The following ZHX2 variants were observed in gnomAD, a reference collection of about 807,000 sequenced individuals.
The protein encoded by ZHX2 is zinc fingers and homeoboxes protein 2.
Under a neutral mutation model 21.9 loss-of-function variants are expected in ZHX2, and 6 were observed. The observed-to-expected ratio is 0.27, with a 90% confidence interval of 0.15 to 0.54. The LOEUF (loss-of-function observed/expected upper bound fraction) is 0.54. ZHX2 is among the 20% of genes least tolerant of loss of function. The probability of loss-of-function intolerance (pLI) is 0.95; values close to 1 mark genes in which losing one functional copy is unlikely to be tolerated. For missense variants in ZHX2, 908 were observed against 1,090.7 expected, an observed-to-expected ratio of 0.83 and a Z score of 2.36; for synonymous variants, 434 against 437.1, an observed-to-expected ratio of 0.99 and a Z score of 0.09.
intron 2 of ZHX2, among the ~76,000 whole-genome samples, chr8:122,885,646 A>G (rs1298197213): frequency 1.3e-5 from 2 of 152,166 alleles, no homozygotes; most frequent in Admixed American, 6.5e-5. Context: ...TTTTGTCACA[A>G]TTTGAGGCAG....
chr8:122,852,925 G>A (rs1294097248), intron 1 of ZHX2, among the ~76,000 whole-genome samples: 2 of 152,018 alleles, frequency 1.3e-5, no homozygotes, highest in Non-Finnish European at 2.9e-5. Flanking sequence ...AGCCCTTATG[G>A]TCACCTGGTG....
chr8:122,955,077 G>C (rs1189444908), intron 3 of ZHX2, among the ~76,000 whole-genome samples: 3 of 145,878 alleles, frequency 2.1e-5, no homozygotes, highest in African/African-American at 2.5e-5. Flanking sequence ...GCCGGGGGGG[G>C]GGGGGTGGCA....
intron 2 of ZHX2, among the ~76,000 whole-genome samples, chr8:122,919,861 C>T (rs1010940286): frequency 2.0e-5 from 3 of 152,144 alleles, no homozygotes; most frequent in African/African-American, 4.8e-5. Context: ...TCCAGGTTAC[C>T]GTAGAAATTG....
chr8:122,951,633 C>G lies in ZHX2; in HGVS notation c.123C>G (p.Asp41Glu). The G allele has an allele frequency of 1.2e-6, 2 of 1,613,952 alleles. No individual in the cohort carries two copies. The highest frequency in any genetic ancestry group is 1.7e-6 in the Non-Finnish European group (2 of 1,179,980). The change falls in exon 3 of 4, where the codon GAC becomes GAG. Residue 41 changes from aspartate to glutamate, a missense_variant. Asp to Glu is a conservative substitution (Grantham distance 45). Transcript: ENST00000314393. ...KEKGIGTPQP[D>E]VAKDSWAAEL... Reference sequence around the variant, plus strand: ...AAGGAATCGGCACACCACAGCCTGACGTGGCCAAGGACAGTTGGGCAGCAG... The same window carrying G: ...AAGGAATCGGCACACCACAGCCTGAGGTGGCCAAGGACAGTTGGGCAGCAG...
intron 2 of ZHX2, among the ~76,000 whole-genome samples, chr8:122,921,151 C>T (rs1369893658): frequency 1.3e-5 from 2 of 152,128 alleles, no homozygotes; most frequent in African/African-American, 2.4e-5. Context: ...GTGATCTCTG[C>T]TCACTCTGCA....
At position 122,835,972 on chromosome 8, in the gene ZHX2, T is replaced by G. The variant is rs185934522; in HGVS notation, c.-282-27505T>G. On this transcript the variant is annotated intron_variant, in intron 1 of 3. Transcript: ENST00000314393. ...TGCCTGAGGCCTAAGGTTTTTAGGG[T>G]TTTTTTTTATGAGGCAGCCTAGAGG... Among the ~76,000 whole-genome samples, 11 of 148,130 alleles carry G rather than the reference T, an allele frequency of 7.4e-5. No individual in the cohort carries two copies. The East Asian group carries it at 7.8e-4, about 10-fold the overall frequency.
rs116424592 is a variant in ZHX2 at position 122,849,313 on chromosome 8, G to T, written c.-282-14164G>T. Among the ~76,000 whole-genome samples the T allele has an allele frequency of 2.6e-3, 401 of 152,274 alleles. 1 individual carries two copies. Among genetic ancestry groups the T allele is most frequent in the African/African-American group, 9.3e-3 (386 of 41,570 alleles). On this transcript the variant is annotated intron_variant, in intron 1 of 3. Coordinates refer to ENST00000314393, the MANE Select transcript of ZHX2 (RefSeq NM_014943.5). ...ACATTCCCAGCTCTGCTACTCACTTGCTGTGTGGCTTTGGGCAAGTTGCTT... is the reference window on the plus strand; with the variant it reads ...ACATTCCCAGCTCTGCTACTCACTTTCTGTGTGGCTTTGGGCAAGTTGCTT...
At chr8:122,812,753 G>A (rs1438420988) in intron 1 of ZHX2, among the ~76,000 whole-genome samples, 5 of 152,224 alleles carry the variant, frequency 3.3e-5, no homozygotes, top group African/African-American at 4.8e-5. Context: ...GTAAATCCTG[G>A]AGGAGGGAAG....
chr8:122,872,572 C>T (rs1203386070), intron 2 of ZHX2, among the ~76,000 whole-genome samples: 1 of 152,172 alleles, frequency 6.6e-6, no homozygotes, highest in African/African-American at 2.4e-5. Flanking sequence ...GCCCTAAGTG[C>T]CCTGGCCTAA....
chr8:122,960,865 C>T (rs892145866), intron 3 of ZHX2, among the ~76,000 whole-genome samples: 1 of 152,160 alleles, frequency 6.6e-6, no homozygotes, highest in Non-Finnish European at 1.5e-5. Flanking sequence ...GTTTGATGCC[C>T]TCTGAGCTAC....
At chr8:122,960,739 G>A (rs1294463971) in intron 3 of ZHX2, among the ~76,000 whole-genome samples, 1 of 152,164 alleles carries the variant, frequency 6.6e-6, no homozygotes, top group Non-Finnish European at 1.5e-5. Context: ...CAGAAGTGCA[G>A]AGGTTAAAAG....
intron 2 of ZHX2, among the ~76,000 whole-genome samples, chr8:122,888,657 A>G (rs1008815724): frequency 7.2e-5 from 11 of 152,078 alleles, no homozygotes; most frequent in African/African-American, 2.7e-4. Context: ...TAATTTTTGT[A>G]TTCTTAATAG....
intron 1 of ZHX2, among the ~76,000 whole-genome samples, chr8:122,810,858 T>C (rs1003930351): frequency 4.6e-5 from 7 of 152,272 alleles, no homozygotes; most frequent in Admixed American, 4.6e-4. Context: ...TAGTTACATA[T>C]GTATACATGT....
chr8:122,893,123 GT>G (rs200467806), intron 2 of ZHX2, among the ~76,000 whole-genome samples: 2 of 151,780 alleles, frequency 1.3e-5, no homozygotes, highest in African/African-American at 4.8e-5. Flanking sequence ...TTTTTGTTTT[GT>G]TTTTTTTCTT....
At chr8:122,833,501 G>T (rs955679340) in intron 1 of ZHX2, among the ~76,000 whole-genome samples, 4 of 152,100 alleles carry the variant, frequency 2.6e-5, no homozygotes, top group African/African-American at 9.7e-5. Flanking sequence ...CCTAAACTGC[G>T]GAGTTAACTA....
At chr8:122,908,963 C>T (rs1375260271) in intron 2 of ZHX2, among the ~76,000 whole-genome samples, 1 of 152,204 alleles carries the variant, frequency 6.6e-6, no homozygotes, top group Non-Finnish European at 1.5e-5. Flanking sequence ...TTGTGATTTC[C>T]TCCCTTCCAT....
intron 1 of ZHX2, among the ~76,000 whole-genome samples, chr8:122,843,349 T>C (rs1818680477): frequency 6.6e-6 from 1 of 152,236 alleles, no homozygotes; most frequent in Admixed American, 6.5e-5. Flanking sequence ...GGCTATTTTC[T>C]TTAGCTCACT....
chr8:122,887,834 AC>A (rs1563769055), intron 2 of ZHX2, among the ~76,000 whole-genome samples: 1 of 142,434 alleles, frequency 7.0e-6, no homozygotes, highest in African/African-American at 2.6e-5. Context: ...CGCCCCCACC[AC>A]CCCCATGTCT....
At chr8:122,919,555 A>G (rs1294115289) in intron 2 of ZHX2, among the ~76,000 whole-genome samples, 1 of 152,242 alleles carries the variant, frequency 6.6e-6, no homozygotes. Context: ...TTGCAAACCA[A>G]TGGATTAAGA....
Sources: allele counts gnomAD v4.1 joint callset (sites outside exome capture counted in the v4.1 genomes callset), GRCh38; gene constraint gnomAD v4.1.1; transcripts MANE v1.5; gene names NCBI Gene and HGNC (gene_info 2026-07-23, HGNC 2026-07-21).